Variants in GPR15LG observed in about 807,000 individuals in gnomAD.
The protein encoded by GPR15LG is protein GPR15LG.
At chr10:84,177,855 C>T in the GPR15LG span, among the ~76,000 whole-genome samples, 3 of 152,164 alleles carry the variant, frequency 2.0e-5, no homozygotes, top group African/African-American at 7.2e-5. Flanking sequence ...AGAGCTCACA[C>T]CCTCCCCCTC....
chr10:84,176,035 T>C, the GPR15LG span, among the ~76,000 whole-genome samples: 1 of 152,062 alleles, frequency 6.6e-6, no homozygotes, highest in South Asian at 2.1e-4. Context: ...ATTACAGGCA[T>C]GCACCAACAT....
chr10:84,184,990 G>A, the GPR15LG span: 5 of 1,377,102 alleles, frequency 3.6e-6, no homozygotes, highest in Non-Finnish European at 4.7e-6. Flanking sequence ...CACCCCACAG[G>A]GCCTCAGTCG....
At chr10:84,177,479 C>T in the GPR15LG span, among the ~76,000 whole-genome samples, 1 of 152,242 alleles carries the variant, frequency 6.6e-6, no homozygotes, top group Non-Finnish European at 1.5e-5. Context: ...CCCGGCCCCA[C>T]TTGCTCCTCT....
the GPR15LG span, among the ~76,000 whole-genome samples, chr10:84,182,972 C>T: frequency 9.3e-4 from 140 of 151,282 alleles, 1 homozygote; most frequent in East Asian, 0.019. Context: ...GAGTAAGTTA[C>T]GCTATATATT....
chr10:84,180,784 C>T, the GPR15LG span, among the ~76,000 whole-genome samples: 1 of 152,334 alleles, frequency 6.6e-6, no homozygotes, highest in African/African-American at 2.4e-5. Flanking sequence ...CACTGCACTC[C>T]AGCCTGGGCA....
At chr10:84,184,795 G>A in the GPR15LG span, 1 of 1,612,992 alleles carries the variant, frequency 6.2e-7, no homozygotes, top group Non-Finnish European at 8.5e-7. Flanking sequence ...CCAGACAGCG[G>A]AGAACCTCAT....
the GPR15LG span, chr10:84,185,018 C>T: frequency 7.5e-7 from 1 of 1,327,998 alleles, no homozygotes; most frequent in African/African-American, 1.5e-5. Flanking sequence ...GTGGGCCTCT[C>T]CAGTGCAAAC....
the GPR15LG span, among the ~76,000 whole-genome samples, chr10:84,180,901 A>G: frequency 6.6e-6 from 1 of 152,234 alleles, no homozygotes; most frequent in Non-Finnish European, 1.5e-5. Flanking sequence ...CCCGGCCAAC[A>G]TGGCGAAACC....
chr10:84,185,037 A>T, the GPR15LG span: 8 of 1,284,466 alleles, frequency 6.2e-6, no homozygotes, highest in Non-Finnish European at 7.9e-6. Context: ...ACCACCGAGC[A>T]TTCCACCATG....
chr10:84,184,497 C>T, the GPR15LG span, among the ~76,000 whole-genome samples: 1 of 152,232 alleles, frequency 6.6e-6, no homozygotes, highest in Non-Finnish European at 1.5e-5. Context: ...GTCTTGTTTG[C>T]CACGAAAAGC....
chr10:84,184,280 G>T, the GPR15LG span, among the ~76,000 whole-genome samples: 1 of 152,154 alleles, frequency 6.6e-6, no homozygotes, highest in Admixed American at 6.5e-5. Context: ...TTTGGGACAC[G>T]TTGCCTGGCA....
chr10:84,184,724 GC>G, the GPR15LG span: 2 of 1,613,884 alleles, frequency 1.2e-6, no homozygotes, highest in African/African-American at 1.3e-5. Context: ...TTGAGCCAGA[GC>G]CCCGCCTTTG....
At chr10:84,183,718 C>T in the GPR15LG span, among the ~76,000 whole-genome samples, 1 of 151,918 alleles carries the variant, frequency 6.6e-6, no homozygotes, top group Non-Finnish European at 1.5e-5. Flanking sequence ...TCAATTATGG[C>T]TCACCACAGC....
chr10:84,183,423 T>C, the GPR15LG span, among the ~76,000 whole-genome samples: 1 of 152,244 alleles, frequency 6.6e-6, no homozygotes, highest in African/African-American at 2.4e-5. Flanking sequence ...CTCATGACCA[T>C]AACTTAGTAA....
chr10:84,184,785 C>A, the GPR15LG span: 1 of 1,613,490 alleles, frequency 6.2e-7, no homozygotes, highest in East Asian at 2.2e-5. Flanking sequence ...AAGCAAGACT[C>A]CAGACAGCGG....
the GPR15LG span, chr10:84,185,051 G>C: frequency 8.0e-7 from 1 of 1,246,218 alleles, no homozygotes; most frequent in Non-Finnish European, 1.0e-6. Context: ...CACCATGACC[G>C]GTCACAGCTA....
At chr10:84,174,033 C>A in the GPR15LG span, 1 of 827,462 alleles carries the variant, frequency 1.2e-6, no homozygotes, top group Non-Finnish European at 2.1e-6. Flanking sequence ...GGCAGGCAGT[C>A]CTGAGCCCCG....
the GPR15LG span, among the ~76,000 whole-genome samples, chr10:84,180,958 C>A: frequency 2.0e-5 from 3 of 152,232 alleles, no homozygotes; most frequent in Non-Finnish European, 4.4e-5. Flanking sequence ...TGGCAGCACG[C>A]GCCTGCAATC....
the GPR15LG span, among the ~76,000 whole-genome samples, chr10:84,177,882 C>T: frequency 2.6e-5 from 4 of 152,206 alleles, no homozygotes; most frequent in South Asian, 2.1e-4. Flanking sequence ...CCCTCTCCTG[C>T]ACCAACTGCT....
Sources: allele counts gnomAD v4.1 joint callset (sites outside exome capture counted in the v4.1 genomes callset), GRCh38; gene constraint gnomAD v4.1.1; transcripts MANE v1.5; gene names NCBI Gene and HGNC (gene_info 2026-07-23, HGNC 2026-07-21).